Variants in RNGTT observed in about 807,000 individuals in gnomAD.
RNGTT encodes the protein RNA guanylyltransferase and 5'-phosphatase, also known as mRNA-capping enzyme.
A neutral mutation model predicts 79.3 loss-of-function variants in RNGTT; 33 were observed. That is an observed-to-expected ratio of 0.42 (90% CI 0.32 to 0.56). The LOEUF (loss-of-function observed/expected upper bound fraction) is 0.56. Ranked by LOEUF, RNGTT falls within the 20% of genes least tolerant of loss-of-function variation. RNGTT has a pLI of 0.17. For synonymous variants in RNGTT, 222 were observed against 235.9 expected (o/e 0.94, Z 0.54); for missense variants, 497 against 739.1 (o/e 0.67, Z 3.80).
Position 88,904,733 on chromosome 6 carries a change from T to C in RNGTT, c.666A>G (p.Arg222=), listed in dbSNP as rs758278544. The change falls in exon 6 of 16, where the codon AGA becomes AGG. Residue 222 remains arginine, a synonymous_variant. Transcript: ENST00000369485. The part of the protein sequence containing the change: ...PGSSASFGKR[R]KERLKLGAIF... ...ACATTACCAGTTTTAACCGTTCTTT[T>C]CTCCTTTTGCCAAAAGAAGCACTTG... 6.2e-7 allele frequency: 1 copy of C among 1,613,718 alleles called. No homozygotes were observed. The highest frequency in any genetic ancestry group is 2.2e-5 in the East Asian group (1 of 44,868).
rs932339190 is a variant in RNGTT at position 88,771,907 on chromosome 6, G to C, written c.1339-2033C>G. ...AAAACTTACAGTAGGGTTAGGCACGGTGGCTCACGCCTGTAATTCCAGCAC... is the reference window on the plus strand; with the variant it reads ...AAAACTTACAGTAGGGTTAGGCACGCTGGCTCACGCCTGTAATTCCAGCAC... On this transcript the variant is annotated intron_variant, in intron 12 of 15. Transcript: ENST00000369485. 9.2e-5 allele frequency among the ~76,000 whole-genome samples: 14 copies of C among 152,278 alleles called. No homozygotes were observed. In the Middle Eastern group the frequency reaches 0.01, roughly 111 times the overall value.
At chr6:88,757,372 G>A (rs967288189) in intron 13 of RNGTT, among the ~76,000 whole-genome samples, 2 of 152,138 alleles carry the variant, frequency 1.3e-5, no homozygotes, top group Admixed American at 1.3e-4. Flanking sequence ...CATGATTTGG[G>A]TGACAGAAAT....
At chr6:88,704,209 G>A (rs1055048046) in intron 13 of RNGTT, among the ~76,000 whole-genome samples, 2 of 127,940 alleles carry the variant, frequency 1.6e-5, no homozygotes, top group African/African-American at 5.8e-5. Flanking sequence ...GCAGTGAGCC[G>A]AGATAGCACC....
intron 11 of RNGTT, among the ~76,000 whole-genome samples, chr6:88,839,948 T>C (rs1412299989): frequency 6.6e-6 from 1 of 152,210 alleles, no homozygotes; most frequent in Non-Finnish European, 1.5e-5. Context: ...AACAAAGAGT[T>C]ATAGAGCAAT....
intron 15 of RNGTT, among the ~76,000 whole-genome samples, chr6:88,613,283 C>T (rs977646645): frequency 6.6e-6 from 1 of 152,160 alleles, no homozygotes; most frequent in African/African-American, 2.4e-5. Context: ...GTCTACTCTA[C>T]GAAACATAAA....
intron 4 of RNGTT, among the ~76,000 whole-genome samples, chr6:88,910,829 C>G (rs1783806196): frequency 6.6e-6 from 1 of 152,112 alleles, no homozygotes; most frequent in Admixed American, 6.6e-5. Context: ...AGACTGGAGG[C>G]CTATATTTAG....
chr6:88,834,936 G>A (rs1316410871), intron 11 of RNGTT, among the ~76,000 whole-genome samples: 1 of 151,838 alleles, frequency 6.6e-6, no homozygotes, highest in Non-Finnish European at 1.5e-5. Context: ...AAGTAGATGT[G>A]TTCTTGAAAA....
intron 13 of RNGTT, among the ~76,000 whole-genome samples, chr6:88,682,471 T>C (rs1466271790): frequency 1.3e-5 from 2 of 152,242 alleles, no homozygotes; most frequent in African/African-American, 4.8e-5. Context: ...AGTAGTGCCA[T>C]CTTCAACTTA....
intron 14 of RNGTT, among the ~76,000 whole-genome samples, chr6:88,615,076 C>T (rs1264180796): frequency 6.6e-6 from 1 of 152,140 alleles, no homozygotes. Context: ...AACAAGTATC[C>T]ATGGTAACTA....
At chr6:88,771,373 TTTC>T (rs1398586770) in intron 12 of RNGTT, among the ~76,000 whole-genome samples, 2 of 135,704 alleles carry the variant, frequency 1.5e-5, no homozygotes, top group African/African-American at 2.8e-5. Context: ...ACACACACAA[TTTC>T]TTTTCTCACT....
chr6:88,961,858 C>A (rs1025597801), intron 1 of RNGTT, among the ~76,000 whole-genome samples: 8 of 152,180 alleles, frequency 5.3e-5, no homozygotes, highest in African/African-American at 1.9e-4. Context: ...TGAATGTTCA[C>A]AGCAGGTTTA....
At chr6:88,892,498 T>G (rs1348533622) in intron 6 of RNGTT, among the ~76,000 whole-genome samples, 1 of 151,920 alleles carries the variant, frequency 6.6e-6, no homozygotes, top group East Asian at 1.9e-4. Flanking sequence ...ATTGGATATA[T>G]TAACATACTA....
At chr6:88,630,679 C>T (rs1022082200) in intron 14 of RNGTT, among the ~76,000 whole-genome samples, 1 of 150,294 alleles carries the variant, frequency 6.7e-6, no homozygotes, top group Non-Finnish European at 1.5e-5. Flanking sequence ...TTCAGCAAGT[C>T]GGTGGGGAGG....
At chr6:88,754,973 C>A (rs950441761) in intron 13 of RNGTT, among the ~76,000 whole-genome samples, 1 of 152,094 alleles carries the variant, frequency 6.6e-6, no homozygotes, top group Non-Finnish European at 1.5e-5. Flanking sequence ...AGTTATGAGA[C>A]CCCTGATTTC....
At chr6:88,644,081 T>G (rs1338219144) in intron 14 of RNGTT, among the ~76,000 whole-genome samples, 1 of 151,712 alleles carries the variant, frequency 6.6e-6, no homozygotes, top group African/African-American at 2.4e-5. Flanking sequence ...TTTGAAAAGA[T>G]CAACAAAATT....
At chr6:88,623,842 A>G (rs1772527829) in intron 14 of RNGTT, among the ~76,000 whole-genome samples, 1 of 152,098 alleles carries the variant, frequency 6.6e-6, no homozygotes, top group African/African-American at 2.4e-5. Flanking sequence ...AGAGGCTCCT[A>G]GAACCAATAA....
chr6:88,677,656 T>C (rs1262520175), intron 14 of RNGTT, among the ~76,000 whole-genome samples: 1 of 151,876 alleles, frequency 6.6e-6, no homozygotes, highest in Non-Finnish European at 1.5e-5. Context: ...AGAGATGAGG[T>C]TTCACTATGT....
intron 14 of RNGTT, among the ~76,000 whole-genome samples, chr6:88,675,809 A>T (rs1774852260): frequency 6.6e-6 from 1 of 152,190 alleles, no homozygotes; most frequent in Non-Finnish European, 1.5e-5. Flanking sequence ...AAAAAAATTT[A>T]AAAGAAAACT....
intron 11 of RNGTT, among the ~76,000 whole-genome samples, chr6:88,841,593 G>A (rs1269671091): frequency 6.6e-6 from 1 of 152,104 alleles, no homozygotes; most frequent in Non-Finnish European, 1.5e-5. Flanking sequence ...CCTAAACCAG[G>A]CATATAAAAC....
Sources: gnomAD v4.1 joint callset for allele counts (sites outside exome capture counted in the v4.1 genomes callset) on GRCh38, gnomAD v4.1.1 for gene constraint, MANE v1.5 for transcripts, NCBI Gene and HGNC (gene_info 2026-07-23, HGNC 2026-07-21) for gene names.